The following MYBL1 variants were observed in gnomAD, a reference collection of about 807,000 sequenced individuals.
The protein encoded by MYBL1 is myb-related protein A.
A neutral mutation model predicts 96.3 loss-of-function variants in MYBL1; 17 were observed. The ratio of observed to expected loss-of-function variants is 0.18; its 90% CI spans 0.12 to 0.26. The LOEUF (loss-of-function observed/expected upper bound fraction) is 0.26, where lower values mean the gene tolerates loss of function less well. Among genes scored for constraint, MYBL1 ranks in the 10% least tolerant of loss-of-function variants. The pLI is 1.00. For synonymous variants in MYBL1, 282 were observed against 292.7 expected (o/e 0.96, Z 0.37); for missense variants, 701 against 882.9 (o/e 0.79, Z 2.61).
intron 10 of MYBL1, among the ~76,000 whole-genome samples, chr8:66,573,886 A>C (rs761894175): frequency 4.5e-4 from 68 of 152,210 alleles, no homozygotes; most frequent in Non-Finnish European, 1.9e-4. Flanking sequence ...TAACTGAAAA[A>C]ACAAGTTTTT....
intron 8 of MYBL1, among the ~76,000 whole-genome samples, chr8:66,588,385 T>C (rs1238686068): frequency 6.6e-6 from 1 of 150,862 alleles, no homozygotes; most frequent in African/African-American, 2.4e-5. Flanking sequence ...GCTCAAGTGA[T>C]CCTCCCACCT....
chr8:66,590,327 T>C lies in MYBL1; in HGVS notation c.867+2113A>G, dbSNP rs140861023. Among the ~76,000 whole-genome samples the C allele has an allele frequency of 5.0e-3, 762 of 152,148 alleles. 6 individuals are homozygous for C. Among genetic ancestry groups the C allele is most frequent in the South Asian group, 0.01 (49 of 4,812 alleles). On this transcript the variant is annotated intron_variant, in intron 8 of 15. Transcript: ENST00000522677. ...ATAAACAAACAAACCCTTTTCTAAA[T>C]GTAAAAAGGGGCAAGGAATGGTGGC...
intron 1 of MYBL1, among the ~76,000 whole-genome samples, chr8:66,609,558 A>C (rs1191186498): frequency 6.6e-6 from 1 of 152,046 alleles, no homozygotes; most frequent in African/African-American, 2.4e-5. Context: ...GCATACATGA[A>C]TATTTTATTT....
In MYBL1 at chr8:66,576,049, T is replaced by C. The variant is rs752738800; in HGVS notation, c.1428A>G (p.Leu476=). 6.2e-7 allele frequency: 1 copy of C among 1,613,970 alleles called. No individual in the cohort carries two copies. The highest frequency in any genetic ancestry group is 8.5e-7 in the Non-Finnish European group (1 of 1,179,882). ...GTAGTGTTTTCAGTGGTGTATGTTT[T>C]AGCGCCATATTACCACCATCGTTCA... ...GSLNDGGNMA[L]KHTPLKTLPF... Residue 476 remains leucine (L), a synonymous_variant, in exon 10 of 16, where the codon CTA becomes CTG. Transcript: ENST00000522677.
intron 1 of MYBL1, among the ~76,000 whole-genome samples, chr8:66,608,761 A>C (rs1047333569): frequency 6.6e-6 from 1 of 152,150 alleles, no homozygotes; most frequent in Non-Finnish European, 1.5e-5. Flanking sequence ...GTAATAATTT[A>C]ATAAAATTGG....
At chr8:66,605,857 G>A (rs1810292616) in intron 1 of MYBL1, among the ~76,000 whole-genome samples, 1 of 152,062 alleles carries the variant, frequency 6.6e-6, no homozygotes. Flanking sequence ...TTCTGAGTAG[G>A]CAGTGGACTG....
At chr8:66,583,158 A>T (rs1169372846) in intron 8 of MYBL1, among the ~76,000 whole-genome samples, 1 of 152,244 alleles carries the variant, frequency 6.6e-6, no homozygotes, top group Non-Finnish European at 1.5e-5. Context: ...TTTGGACCAC[A>T]ATGAAATAAA....
intron 8 of MYBL1, among the ~76,000 whole-genome samples, chr8:66,588,540 A>G (rs1809511824): frequency 6.6e-6 from 1 of 151,972 alleles, no homozygotes; most frequent in Admixed American, 6.5e-5. Flanking sequence ...TCAGCCTCCC[A>G]AAGTGTTGGG....
Position 66,564,696 on chromosome 8 carries a change from A to T in MYBL1, c.*1T>A, listed in dbSNP as rs751896536. ...GGGCATTTCATCAATTTTAATAACAATTACAGTATGAGAGCTCTTGAAGTA... is the reference window on the plus strand; with the variant it reads ...GGGCATTTCATCAATTTTAATAACATTTACAGTATGAGAGCTCTTGAAGTA... On this transcript the variant is annotated 3_prime_UTR_variant, in exon 16 of 16. Transcript: ENST00000522677. 7 of 1,572,986 alleles carry T rather than the reference A, an allele frequency of 4.5e-6. No homozygotes were observed. The South Asian group carries it at 8.2e-5, about 18-fold the overall frequency.
intron 8 of MYBL1, among the ~76,000 whole-genome samples, chr8:66,587,756 C>T (rs1809478125): frequency 6.6e-6 from 1 of 152,148 alleles, no homozygotes; most frequent in Admixed American, 6.5e-5. Flanking sequence ...AATATGGGAG[C>T]CACTAGCCAT....
At chr8:66,587,318 C>T (rs1809459408) in intron 8 of MYBL1, among the ~76,000 whole-genome samples, 1 of 151,980 alleles carries the variant, frequency 6.6e-6, no homozygotes, top group African/African-American at 2.4e-5. Context: ...GTACACTGTA[C>T]ACCCAGAAAA....
chr8:66,588,804 G>A (rs1195744267), intron 8 of MYBL1, among the ~76,000 whole-genome samples: 1 of 152,128 alleles, frequency 6.6e-6, no homozygotes, highest in African/African-American at 2.4e-5. Flanking sequence ...GGTGGATCAC[G>A]AGGTCAGGAA....
intron 12 of MYBL1, 118 bp from the exon 13 acceptor site, chr8:66,567,110 C>T (rs1002769259): frequency 3.3e-6 from 2 of 613,730 alleles, no homozygotes; most frequent in Non-Finnish European, 2.8e-6. Context: ...CTCCTAGCCC[C>T]TATAGATACA....
At chr8:66,592,144 T>C (rs1809671557) in intron 8 of MYBL1, among the ~76,000 whole-genome samples, 1 of 151,922 alleles carries the variant, frequency 6.6e-6, no homozygotes, top group African/African-American at 2.4e-5. Flanking sequence ...CAGGCACCTG[T>C]AGTCCCAGCT....
Position 66,573,441 on chromosome 8 carries a change from A to G in MYBL1, c.1536T>C (p.Pro512=), listed in dbSNP as rs368405563. The G allele has an allele frequency of 2.5e-5, 40 of 1,612,496 alleles. No individual in the cohort carries two copies. The highest frequency in any genetic ancestry group is 3.4e-5 in the Non-Finnish European group (40 of 1,179,132). The part of the protein sequence containing the change: ...NIENPSFTST[P]ICGQKALITT... Reference sequence around the variant, plus strand: ...TAATGAGAGCTTTCTGCCCACAAATAGGGGTTGATGTAAATGAAGGATTTT... The same window carrying G: ...TAATGAGAGCTTTCTGCCCACAAATGGGGGTTGATGTAAATGAAGGATTTT... The change falls in exon 11 of 16, where the codon CCT becomes CCC. Residue 512 remains proline, a synonymous_variant. Transcript: ENST00000522677.
Position 66,613,022 on chromosome 8 carries a change from C to G in MYBL1, c.-184G>C. The stretch of plus-strand genomic sequence containing the variant: ...GGGACAGCGGGGGCGGACCGCGACC[C>G]GACCCCGACCCCGGCCCGCAGCGCC... On this transcript the variant is annotated 5_prime_UTR_variant, in exon 1 of 16. Coordinates refer to ENST00000522677, the MANE Select transcript of MYBL1 (RefSeq NM_001080416.4). 1.8e-6 allele frequency: 1 copy of G among 556,762 alleles called. No homozygotes were observed. Among genetic ancestry groups the G allele is most frequent in the Non-Finnish European group, 2.7e-6 (1 of 366,254 alleles). 34.5% of individuals were successfully genotyped at this position (556,762 alleles called of 1,614,324 possible).
chr8:66,582,060 A>C (rs1378427779), intron 8 of MYBL1, among the ~76,000 whole-genome samples: 2 of 152,222 alleles, frequency 1.3e-5, no homozygotes, highest in Non-Finnish European at 2.9e-5. Flanking sequence ...AAGATAAAAT[A>C]ATCAAACCAC....
intron 4 of MYBL1, among the ~76,000 whole-genome samples, chr8:66,598,471 T>C (rs772616149): frequency 6.6e-6 from 1 of 152,226 alleles, no homozygotes; most frequent in African/African-American, 2.4e-5. Context: ...GATGCTCTAA[T>C]TCCTCAACTG....
intron 8 of MYBL1, among the ~76,000 whole-genome samples, chr8:66,590,365 T>A (rs1347271479): frequency 6.6e-6 from 1 of 152,160 alleles, no homozygotes; most frequent in Non-Finnish European, 1.5e-5. Context: ...ATGTCTGTAA[T>A]CCCAGTACTT....
Sources: allele counts gnomAD v4.1 joint callset (sites outside exome capture counted in the v4.1 genomes callset), GRCh38; gene constraint gnomAD v4.1.1; transcripts MANE v1.5; gene names NCBI Gene and HGNC (gene_info 2026-07-23, HGNC 2026-07-21).